The following SYNPO2 variants were observed in gnomAD, a reference collection of about 807,000 sequenced individuals.
SYNPO2 encodes the protein synaptopodin-2.
In SYNPO2, 56 loss-of-function variants were observed where a neutral mutation model predicts 85.0. That is an observed-to-expected ratio of 0.66 (90% confidence interval 0.53 to 0.82). The LOEUF (loss-of-function observed/expected upper bound fraction) is 0.82, where lower values mean the gene tolerates loss of function less well. Ranked by LOEUF, SYNPO2 falls within the 40% of genes least tolerant of loss-of-function variation. The pLI is 0.00. For synonymous variants in SYNPO2, 602 were observed against 591.1 expected (o/e 1.02, Z -0.27); for missense variants, 1,575 against 1,534.2 (o/e 1.03, Z -0.44).
intron 1 of SYNPO2, among the ~76,000 whole-genome samples, chr4:118,851,451 C>T (rs943802154): frequency 2.0e-5 from 3 of 151,922 alleles, no homozygotes; most frequent in African/African-American, 7.3e-5. Context: ...TGCACCATTG[C>T]ACTCCAGCCT....
intron 1 of SYNPO2, among the ~76,000 whole-genome samples, chr4:118,945,807 G>A (rs910419022): frequency 6.6e-5 from 10 of 151,722 alleles, no homozygotes; most frequent in Admixed American, 1.3e-4. Context: ...GTGCAGTGGC[G>A]TGACCTTGGC....
intron 1 of SYNPO2, among the ~76,000 whole-genome samples, chr4:118,985,664 A>G (rs1246952018): frequency 6.6e-6 from 1 of 152,234 alleles, no homozygotes; most frequent in Admixed American, 6.5e-5. Context: ...CAATCAATTA[A>G]CAAGTGTTTA....
At chr4:119,053,730 A>G (rs1386955170) in intron 4 of SYNPO2, among the ~76,000 whole-genome samples, 4 of 152,208 alleles carry the variant, frequency 2.6e-5, no homozygotes, top group African/African-American at 9.7e-5. Flanking sequence ...TTTCAAACTC[A>G]GTGCATAAGA....
At chr4:119,014,513 AG>A (rs1419745488) in intron 1 of SYNPO2, among the ~76,000 whole-genome samples, 2 of 152,236 alleles carry the variant, frequency 1.3e-5, no homozygotes, top group Non-Finnish European at 2.9e-5. Context: ...TTCATAAAAA[AG>A]TACTTATGTT....
Position 119,031,841 on chromosome 4 carries a change from G to C in SYNPO2, c.3066G>C (p.Ser1022=), listed in dbSNP as rs772313468. The C allele has an allele frequency of 3.1e-6, 5 of 1,614,192 alleles. No homozygotes were observed. The highest frequency in any genetic ancestry group is 4.2e-6 in the Non-Finnish European group (5 of 1,180,046). The stretch of plus-strand genomic sequence containing the variant: ...CCTCACCTACGAATGTGCAGGCTTC[G>C]TCAGTGTACTCGGTACCAGCCTATA... ...NAASPTNVQA[S]SVYSVPAYTS... is the part of the protein sequence containing the mutation. Residue 1022 remains serine, a synonymous_variant, in exon 4 of 5, where the codon TCG becomes TCC. Transcript: ENST00000307142.
chr4:118,892,320 G>A (rs1429187752), intron 1 of SYNPO2, among the ~76,000 whole-genome samples: 1 of 152,058 alleles, frequency 6.6e-6, no homozygotes, highest in African/African-American at 2.4e-5. Flanking sequence ...TAAAATGTTT[G>A]TATATCTTTT....
intron 1 of SYNPO2, among the ~76,000 whole-genome samples, chr4:118,953,394 A>G (rs769577416): frequency 3.9e-5 from 6 of 152,200 alleles, no homozygotes; most frequent in Non-Finnish European, 7.3e-5. Context: ...ACCCCTGAGC[A>G]GGGCAGTGAT....
intron 4 of SYNPO2, among the ~76,000 whole-genome samples, chr4:119,056,431 C>T (rs866849947): frequency 2.0e-5 from 3 of 151,820 alleles, no homozygotes; most frequent in African/African-American, 4.8e-5. Flanking sequence ...GTGGTGTGCA[C>T]CTGTAGTCCC....
intron 1 of SYNPO2, among the ~76,000 whole-genome samples, chr4:118,878,599 TA>T (rs1218411390): frequency 1.3e-5 from 2 of 152,078 alleles, no homozygotes; most frequent in Non-Finnish European, 2.9e-5. Context: ...CACCACTCTG[TA>T]AAAACGCACC....
chr4:118,911,859 A>T (rs779336888), intron 1 of SYNPO2, among the ~76,000 whole-genome samples: 1 of 152,208 alleles, frequency 6.6e-6, no homozygotes, highest in Non-Finnish European at 1.5e-5. Flanking sequence ...TACAATGAAC[A>T]CATAGACTTA....
chr4:118,961,829 T>C (rs1329415429), intron 1 of SYNPO2, among the ~76,000 whole-genome samples: 2 of 152,154 alleles, frequency 1.3e-5, no homozygotes, highest in Admixed American at 1.3e-4. Flanking sequence ...CCAAGAGTGA[T>C]GCAATGTATC....
At chr4:119,055,952 T>C (rs1739192432) in intron 4 of SYNPO2, among the ~76,000 whole-genome samples, 2 of 151,992 alleles carry the variant, frequency 1.3e-5, no homozygotes, top group Admixed American at 6.6e-5. Context: ...TAAATCCAGG[T>C]ATTGATATTC....
At chr4:119,023,075 C>T (rs537795308) in intron 1 of SYNPO2, among the ~76,000 whole-genome samples, 3 of 152,312 alleles carry the variant, frequency 2.0e-5, no homozygotes, top group South Asian at 4.1e-4. Context: ...CACGCCTGGC[C>T]TGAATAATTA....
At chr4:118,992,481 C>A (rs1251912546) in intron 1 of SYNPO2, among the ~76,000 whole-genome samples, 2 of 152,150 alleles carry the variant, frequency 1.3e-5, no homozygotes, top group African/African-American at 2.4e-5. Flanking sequence ...ATGGTGCCAT[C>A]ACTTGTCAGG....
intron 1 of SYNPO2, among the ~76,000 whole-genome samples, chr4:118,940,373 T>A (rs1402068796): frequency 6.6e-6 from 1 of 152,170 alleles, no homozygotes; most frequent in African/African-American, 2.4e-5. Context: ...CCCCTCTAAT[T>A]TTCTATTTCT....
At chr4:118,870,558 T>G (rs146904021) in intron 1 of SYNPO2, among the ~76,000 whole-genome samples, 222 of 152,300 alleles carry the variant, frequency 1.5e-3, no homozygotes, top group African/African-American at 5.0e-3. Flanking sequence ...TACCCAGTAA[T>G]GGGATTGCTG....
Position 118,956,252 on chromosome 4 carries a change from G to A in SYNPO2, c.105+67111G>A, listed in dbSNP as rs114970661. Among the ~76,000 whole-genome samples the A allele has an allele frequency of 2.7e-3, 417 of 152,252 alleles. 2 individuals are homozygous for A. The highest frequency in any genetic ancestry group is 9.4e-3 in the African/African-American group (389 of 41,538). On this transcript the variant is annotated intron_variant, in intron 1 of 4. Transcript: ENST00000307142. ...CTTAGGTAATGTCCATGTGTGAAGA[G>A]TAGAAAGAAAAGTCTACAAAAGTAA... is the stretch of plus-strand genomic sequence containing the variant.
At chr4:118,981,569 T>A (rs1184953750) in intron 1 of SYNPO2, among the ~76,000 whole-genome samples, 1 of 152,186 alleles carries the variant, frequency 6.6e-6, no homozygotes, top group Non-Finnish European at 1.5e-5. Flanking sequence ...CTCCATACAA[T>A]GTATGCCCTT....
intron 1 of SYNPO2, among the ~76,000 whole-genome samples, chr4:119,019,041 C>T (rs562460474): frequency 6.6e-5 from 10 of 152,016 alleles, no homozygotes; most frequent in Non-Finnish European, 1.5e-4. Context: ...AAGGAAACAA[C>T]AGATACAGGA....
Sources: allele counts gnomAD v4.1 joint callset (sites outside exome capture counted in the v4.1 genomes callset), GRCh38; gene constraint gnomAD v4.1.1; transcripts MANE v1.5; gene names NCBI Gene and HGNC (gene_info 2026-07-23, HGNC 2026-07-21).